SPOCK1: variants seen among roughly 807,000 people sequenced by gnomAD.
SPOCK1 encodes the protein testican-1.
Under a neutral mutation model 55.3 loss-of-function variants are expected in SPOCK1, and 23 were observed. That is an observed-to-expected ratio of 0.42 (90% CI 0.30 to 0.59). The LOEUF (loss-of-function observed/expected upper bound fraction) is 0.59, where lower values mean the gene tolerates loss of function less well. SPOCK1 is among the 20% of genes least tolerant of loss of function. The pLI is 0.22. For synonymous variants in SPOCK1, 226 were observed against 221.0 expected (o/e 1.02, Z -0.20); for missense variants, 499 against 552.5 (o/e 0.90, Z 0.97).
intron 3 of SPOCK1, among the ~76,000 whole-genome samples, chr5:137,251,706 A>C (rs1756532954): frequency 6.6e-6 from 1 of 152,212 alleles, no homozygotes; most frequent in African/African-American, 2.4e-5. Flanking sequence ...ATGGGCTTTT[A>C]GATGCCTGCA....
chr5:137,171,781 A>G (rs1336263325), intron 3 of SPOCK1, among the ~76,000 whole-genome samples: 1 of 152,230 alleles, frequency 6.6e-6, no homozygotes, highest in African/African-American at 2.4e-5. Flanking sequence ...CAATTCCTAC[A>G]AAGAGAAACT....
At chr5:137,363,874 G>C (rs1751001307) in intron 2 of SPOCK1, among the ~76,000 whole-genome samples, 2 of 152,250 alleles carry the variant, frequency 1.3e-5, no homozygotes, top group Admixed American at 1.3e-4. Flanking sequence ...CTGGGGACAG[G>C]CTTGAGATGC....
At chr5:137,325,209 T>C (rs1232960179) in intron 2 of SPOCK1, among the ~76,000 whole-genome samples, 1 of 152,156 alleles carries the variant, frequency 6.6e-6, no homozygotes, top group Non-Finnish European at 1.5e-5. Context: ...AGTTTTTGAT[T>C]GAAAAAACTA....
chr5:137,002,785 G>GGGGGAAGGGGAAGGACAGAGTCCT (rs1174026531), intron 6 of SPOCK1, among the ~76,000 whole-genome samples: 6 of 152,202 alleles, frequency 3.9e-5, no homozygotes, highest in African/African-American at 1.4e-4. Context: ...AGAGAGCCAT[G>GGGGGAAGGGGAAGGACAGAGTCCT]GGGGAAGGGG....
chr5:137,345,969 T>A (rs1402438221), intron 2 of SPOCK1, among the ~76,000 whole-genome samples: 2 of 152,210 alleles, frequency 1.3e-5, no homozygotes, highest in African/African-American at 4.8e-5. Context: ...GTGACAGGGC[T>A]CATCACTGCC....
chr5:136,979,568 T>C, intron 9 of SPOCK1, 99 bp from the exon 10 acceptor site: 1 of 1,457,286 alleles, frequency 6.9e-7, no homozygotes, highest in Non-Finnish European at 9.3e-7. Context: ...TGTCAGAATA[T>C]CTGCTGCAGG....
At chr5:137,303,786 A>G (rs1253081134) in intron 2 of SPOCK1, among the ~76,000 whole-genome samples, 2 of 152,224 alleles carry the variant, frequency 1.3e-5, no homozygotes, top group Non-Finnish European at 2.9e-5. Flanking sequence ...AGGCTGGGGC[A>G]GCCAGGAGGG....
chr5:137,253,185 CT>C (rs1756569934), intron 3 of SPOCK1, among the ~76,000 whole-genome samples: 1 of 152,176 alleles, frequency 6.6e-6, no homozygotes, highest in Admixed American at 6.5e-5. Flanking sequence ...CCCTGCTTTT[CT>C]TACCAAAGAC....
In SPOCK1 at chr5:136,985,351, G is replaced by A. The variant is rs367687233; in HGVS notation, c.929-149C>T. The A allele has an allele frequency of 1.2e-3, 936 of 775,128 alleles. 19 individuals carry two copies. The South Asian group carries it at 0.014, about 12-fold the overall frequency. 48.0% of individuals were successfully genotyped at this position (775,128 alleles called of 1,614,324 possible). The stretch of plus-strand genomic sequence containing the variant: ...TGTTACTATGCAAGAAAACAAATTC[G>A]GGCCATTAGTGTTACTAGTTAAAAA... On this transcript the variant is annotated intron_variant, in intron 8 of 10. Coordinates refer to ENST00000394945, the MANE Select transcript of SPOCK1 (RefSeq NM_004598.4).
rs146811766 is a variant in SPOCK1, at chr5:137,425,053, G to C, written c.186+73320C>G. ...TTCCCATTCTAGAACTTTACCAAAGGGTTTGTCTACATTCATAAATATGAA... is the reference window on the plus strand; with the variant it reads ...TTCCCATTCTAGAACTTTACCAAAGCGTTTGTCTACATTCATAAATATGAA... On this transcript the variant is annotated intron_variant, in intron 2 of 10. Coordinates refer to ENST00000394945, the MANE Select transcript of SPOCK1 (RefSeq NM_004598.4). Among the ~76,000 whole-genome samples the C allele has an allele frequency of 6.8e-4, 104 of 152,108 alleles. 2 individuals carry two copies. The highest frequency in any genetic ancestry group is 6.7e-3 in the Admixed American group (102 of 15,288).
chr5:137,483,716 T>C (rs1309984903), intron 2 of SPOCK1, among the ~76,000 whole-genome samples: 1 of 152,160 alleles, frequency 6.6e-6, no homozygotes, highest in Non-Finnish European at 1.5e-5. Context: ...TGGCTTCTAC[T>C]CACTAGATGC....
In SPOCK1 at chr5:137,376,313, C is replaced by T. The variant is rs544847226; in HGVS notation, c.187-109258G>A. Among the ~76,000 whole-genome samples, 6 of 152,330 alleles carry T rather than the reference C, an allele frequency of 3.9e-5. No homozygotes were observed. In the East Asian group the frequency reaches 7.7e-4, roughly 20 times the overall value. The stretch of plus-strand genomic sequence containing the variant: ...ACCACCCTCCTCCTGCAGACAGCAC[C>T]GGCTGCCCCGCCCTCTTGTGCTACC... On this transcript the variant is annotated intron_variant, in intron 2 of 10. Transcript: ENST00000394945.
chr5:137,470,459 GTAT>G (rs1247332678), intron 2 of SPOCK1, among the ~76,000 whole-genome samples: 1 of 152,158 alleles, frequency 6.6e-6, no homozygotes, highest in Non-Finnish European at 1.5e-5. Context: ...TGTGGTGATA[GTAT>G]TAATAAGAAG....
chr5:137,160,762 C>A (rs997102696), intron 3 of SPOCK1, among the ~76,000 whole-genome samples: 2 of 137,806 alleles, frequency 1.5e-5, no homozygotes, highest in Non-Finnish European at 3.0e-5. Context: ...AACACTTCTA[C>A]ACTGCTGGTG....
At chr5:137,171,127 A>G (rs1408077068) in intron 3 of SPOCK1, among the ~76,000 whole-genome samples, 3 of 152,122 alleles carry the variant, frequency 2.0e-5, no homozygotes, top group Non-Finnish European at 4.4e-5. Context: ...CTTTGGAGAC[A>G]GCAAGCATCC....
chr5:137,436,408 G>A lies in SPOCK1; in HGVS notation c.186+61965C>T, dbSNP rs563505282. ...ATAATTCATCCTTTCCCTCCATCATGTACTAAACCCTCTTTCACATTAGGC... is the reference window on the plus strand; with the variant it reads ...ATAATTCATCCTTTCCCTCCATCATATACTAAACCCTCTTTCACATTAGGC... On this transcript the variant is annotated intron_variant, in intron 2 of 10. Transcript: ENST00000394945. Among the ~76,000 whole-genome samples, 4 of 151,976 alleles carry A rather than the reference G, an allele frequency of 2.6e-5. No individual in the cohort carries two copies. In the East Asian group the frequency reaches 7.7e-4, roughly 29 times the overall value.
At chr5:137,016,953 T>C (rs960437126) in intron 6 of SPOCK1, among the ~76,000 whole-genome samples, 4 of 152,234 alleles carry the variant, frequency 2.6e-5, no homozygotes, top group African/African-American at 7.2e-5. Flanking sequence ...GCCACTCCTA[T>C]GTGCTCAAGC....
chr5:137,197,257 G>T (rs1027645938), intron 3 of SPOCK1, among the ~76,000 whole-genome samples: 9 of 152,150 alleles, frequency 5.9e-5, no homozygotes, highest in African/African-American at 1.4e-4. Context: ...TGAGTAAGCT[G>T]CTGGCACCTG....
chr5:136,984,384 G>GAATAATTCTGTATTA (rs56122522), intron 9 of SPOCK1, among the ~76,000 whole-genome samples: 53,359 of 151,732 alleles, frequency 0.35, 9,869 homozygotes, highest in Non-Finnish European at 0.4. Context: ...TGCTTCACGG[G>GAATAATTCTGTATTA]AATAATTCTG....
Sources: allele counts gnomAD v4.1 joint callset (sites outside exome capture counted in the v4.1 genomes callset), GRCh38; gene constraint gnomAD v4.1.1; transcripts MANE v1.5; gene names NCBI Gene and HGNC (gene_info 2026-07-23, HGNC 2026-07-21).